MANBA: variants seen among roughly 807,000 people sequenced by gnomAD.
MANBA encodes beta-mannosidase.
A neutral mutation model predicts 111.1 loss-of-function variants in MANBA; 83 were observed. The ratio of observed to expected loss-of-function variants is 0.75; its 90% CI spans 0.63 to 0.90. The LOEUF (loss-of-function observed/expected upper bound fraction) is 0.90, where lower values mean the gene tolerates loss of function less well. Among genes scored for constraint, MANBA ranks in the 40% least tolerant of loss-of-function variants. The pLI, the probability that MANBA is intolerant of heterozygous loss-of-function variation, is 0.00. For synonymous variants in MANBA, 370 were observed against 378.7 expected (o/e 0.98, Z 0.27); for missense variants, 1,036 against 1,069.0 (o/e 0.97, Z 0.43).
chr4:102,759,684 AAAAACACATGATTTTTT>A (rs1275415971), intron 1 of MANBA, among the ~76,000 whole-genome samples: 1 of 152,168 alleles, frequency 6.6e-6, no homozygotes, highest in Non-Finnish European at 1.5e-5. Flanking sequence ...ACAGTGCTTC[AAAAACACATGATTTTTT>A]AAAACACCAA....
intron 7 of MANBA, among the ~76,000 whole-genome samples, chr4:102,679,427 C>T (rs1731865417): frequency 6.6e-6 from 1 of 151,960 alleles, no homozygotes; most frequent in South Asian, 2.1e-4. Context: ...TTTCCCTGAA[C>T]TTTGTATAAT....
intron 1 of MANBA, among the ~76,000 whole-genome samples, chr4:102,743,538 T>A (rs1016847755): frequency 6.6e-6 from 1 of 152,134 alleles, no homozygotes; most frequent in African/African-American, 2.4e-5. Flanking sequence ...GAACTCCCCA[T>A]GAGGCCATTA....
Position 102,639,701 on chromosome 4 carries a change from T to C in MANBA, c.2014+12A>G, listed in dbSNP as rs1729780375. The C allele has an allele frequency of 6.2e-7, 1 of 1,613,982 alleles. No homozygotes were observed. Among genetic ancestry groups the C allele is most frequent in the Non-Finnish European group, 8.5e-7 (1 of 1,179,980 alleles). ...TTTCTCTCACTCGCACAAAGAACGC[T>C]GAAATGCTTACCAAGAGAAGCCCAG... On this transcript the variant is annotated intron_variant, in intron 14 of 16. Transcript: ENST00000647097.
intron 2 of MANBA, 48 bp downstream of exon 2, chr4:102,726,541 G>T (rs1413692646): frequency 1.0e-6 from 1 of 985,490 alleles, no homozygotes; most frequent in South Asian, 1.4e-5. Context: ...GATAGAAAAA[G>T]AAGAAAAGTT....
At position 102,664,690 on chromosome 4, in the gene MANBA, G is replaced by C. The variant is rs762283152; in HGVS notation, c.1480C>G (p.Leu494Val). 21 of 1,611,358 alleles carry C rather than the reference G, an allele frequency of 1.3e-5. No homozygotes were observed. In the South Asian group the frequency reaches 2.0e-4, roughly 15 times the overall value. Residue 494 changes from leucine to valine, a missense_variant, in exon 11 of 17, where the codon CTG becomes GTG. Coordinates refer to ENST00000647097, the MANE Select transcript of MANBA (RefSeq NM_005908.4). ...CATTAAAAATCATTACTTACTGCCA[G>C]TACGAGCTCTCTGATGTTTTTCACA... is the stretch of plus-strand genomic sequence containing the variant. ...LYVKNIRELV[L>V]AGDKSRPFIT... is the part of the protein sequence containing the mutation.
intron 10 of MANBA, chr4:102,668,060 G>T (rs1731305079): frequency 6.6e-6 from 1 of 152,144 alleles, no homozygotes; most frequent in Admixed American, 6.5e-5. Context: ...TCATAATTCA[G>T]AATTTTCATG....
intron 13 of MANBA, among the ~76,000 whole-genome samples, chr4:102,642,504 A>G (rs1030799545): frequency 6.6e-5 from 10 of 151,964 alleles, no homozygotes; most frequent in African/African-American, 2.2e-4. Flanking sequence ...CTACTCGGGA[A>G]GCTGAGGCAG....
chr4:102,689,621 C>T lies in MANBA; in HGVS notation c.913G>A (p.Val305Ile), dbSNP rs939795867. The T allele has an allele frequency of 1.2e-6, 2 of 1,610,786 alleles. No homozygotes were observed. The highest frequency in any genetic ancestry group is 1.3e-5 in the African/African-American group (1 of 74,932). The change falls in exon 7 of 17, where the codon GTT becomes ATT. Residue 305 changes from valine to isoleucine, a missense_variant. Physicochemically the swap from Val to Ile is conservative, Grantham distance 29. Transcript: ENST00000647097. ...HGNQTGYNMT[V>I]LFELDGGLNI... Reference sequence around the variant, plus strand: ...AAGCCTCCATCCAGTTCAAAAAGAACAGTCATGTTGTACCCAGTCTGGTTT... The same window carrying T: ...AAGCCTCCATCCAGTTCAAAAAGAATAGTCATGTTGTACCCAGTCTGGTTT...
Position 102,698,606 on chromosome 4 carries a change from A to T in MANBA, c.674-7835T>A, listed in dbSNP as rs535143263. On this transcript the variant is annotated intron_variant, in intron 5 of 16. Coordinates refer to ENST00000647097, the MANE Select transcript of MANBA (RefSeq NM_005908.4). ...CCAGTTTTCCCAGCACCATTTATTG[A>T]ATAGGGAATCCTTTCCCCATTGCTT... 1.8e-3 allele frequency among the ~76,000 whole-genome samples: 273 copies of T among 151,118 alleles called. 1 individual carries two copies. The highest frequency in any genetic ancestry group is 6.5e-3 in the African/African-American group (264 of 40,774).
intron 2 of MANBA, 91 bp from the exon 3 acceptor site, chr4:102,724,058 A>T (rs1279123851): frequency 2.1e-5 from 15 of 724,720 alleles, no homozygotes; most frequent in Admixed American, 5.1e-5. Context: ...AAAGAAATAA[A>T]TATTCCACAA....
intron 4 of MANBA, among the ~76,000 whole-genome samples, chr4:102,716,807 T>C (rs897360557): frequency 1.3e-5 from 2 of 152,184 alleles, no homozygotes; most frequent in Admixed American, 6.5e-5. Context: ...GATGGAGTCA[T>C]TTGTGAAATA....
chr4:102,729,719 C>T (rs1394990338), intron 1 of MANBA: 3 of 1,506,702 alleles, frequency 2.0e-6, no homozygotes, highest in Non-Finnish European at 2.8e-6. Flanking sequence ...CCAGAGTCTT[C>T]AGCTGCTGCC....
Position 102,631,987 on chromosome 4 carries a change from C to G in MANBA, c.*70G>C, listed in dbSNP as rs1441443715. 1 of 1,323,130 alleles carries G rather than the reference C, an allele frequency of 7.6e-7. No homozygotes were observed. Among genetic ancestry groups the G allele is most frequent in the Non-Finnish European group, 1.1e-6 (1 of 919,528 alleles). The allele number at this position is 1,323,130 out of a possible 1,614,324, so 82.0% of individuals were successfully genotyped here. A position where few individuals can be genotyped will look rare whatever the true frequency, so the allele number is the denominator to read the frequency against. ...CGGCTTCTCTCCTTGTCTCTGTTGC[C>G]TTCCTCTCCAGTCGGTGCTTTAGAA... is the stretch of plus-strand genomic sequence containing the variant. On this transcript the variant is annotated 3_prime_UTR_variant, in exon 17 of 17. Transcript: ENST00000647097.
At chr4:102,719,732 C>T (rs1722490280) in intron 4 of MANBA, among the ~76,000 whole-genome samples, 2 of 152,306 alleles carry the variant, frequency 1.3e-5, no homozygotes. Context: ...GGATTAGCTC[C>T]ATGTACAAAT....
intron 5 of MANBA, among the ~76,000 whole-genome samples, chr4:102,692,015 T>C (rs1732498757): frequency 6.6e-6 from 1 of 152,046 alleles, no homozygotes; most frequent in Non-Finnish European, 1.5e-5. Flanking sequence ...TTGAGCACGG[T>C]CCAAATGACA....
chr4:102,672,146 T>C (rs757993016), intron 8 of MANBA: 9 of 398,488 alleles, frequency 2.3e-5, no homozygotes, highest in Non-Finnish European at 3.5e-5. Flanking sequence ...TCTTATGAAA[T>C]CTAAAATAAT....
intron 1 of MANBA, among the ~76,000 whole-genome samples, chr4:102,740,933 C>T (rs192885642): frequency 3.6e-4 from 54 of 151,876 alleles, no homozygotes; most frequent in South Asian, 8.3e-4. Context: ...GCAACAAAAA[C>T]GAAGATAAAT....
intron 1 of MANBA, chr4:102,728,488 A>G (rs961675656): frequency 1.6e-5 from 6 of 380,950 alleles, no homozygotes; most frequent in Admixed American, 7.4e-5. Context: ...CATCTTTCAC[A>G]TTTGAAAAAA....
At chr4:102,664,560 G>T (rs1477883916) in intron 11 of MANBA, 125 bp downstream of exon 11, 3 of 808,408 alleles carry the variant, frequency 3.7e-6, no homozygotes, top group Non-Finnish European at 4.2e-6. Context: ...CCGTGGTCTC[G>T]ATCTCCTGAC....
Sources: allele counts gnomAD v4.1 joint callset (sites outside exome capture counted in the v4.1 genomes callset), GRCh38; gene constraint gnomAD v4.1.1; transcripts MANE v1.5; gene names NCBI Gene and HGNC (gene_info 2026-07-23, HGNC 2026-07-21).